Variants in FARP1 observed in about 807,000 individuals in gnomAD.
FARP1 encodes the protein FERM, ARH/RhoGEF and pleckstrin domain protein 1, also known as FERM, ARHGEF and pleckstrin domain-containing protein 1.
In FARP1, 52 loss-of-function variants were observed where a neutral mutation model predicts 128.8. That is an observed-to-expected ratio of 0.40 (90% CI 0.32 to 0.51). The LOEUF (loss-of-function observed/expected upper bound fraction) is 0.51. Ranked by LOEUF, FARP1 falls within the 20% of genes least tolerant of loss-of-function variation. The pLI is 0.45. For synonymous variants in FARP1, 580 were observed against 551.8 expected (o/e 1.05, Z -0.72); for missense variants, 1,333 against 1,367.9 (o/e 0.97, Z 0.40).
At chr13:98,194,086 T>A (rs1879413211) in intron 1 of FARP1, among the ~76,000 whole-genome samples, 1 of 152,024 alleles carries the variant, frequency 6.6e-6, no homozygotes, top group African/African-American at 2.4e-5. Context: ...TTATTTTTAT[T>A]ATACACCATT....
chr13:98,274,859 A>C (rs1386526443), intron 2 of FARP1, among the ~76,000 whole-genome samples: 1 of 152,254 alleles, frequency 6.6e-6, no homozygotes, highest in Non-Finnish European at 1.5e-5. Flanking sequence ...TTAGGGTTTT[A>C]TCTGGACATC....
At chr13:98,200,119 A>G (rs1270720490) in intron 1 of FARP1, among the ~76,000 whole-genome samples, 4 of 152,236 alleles carry the variant, frequency 2.6e-5, no homozygotes, top group South Asian at 4.1e-4. Flanking sequence ...TGGAGTAGAA[A>G]TTAAAAATTG....
chr13:98,341,574 G>A (rs1368432660), intron 2 of FARP1, among the ~76,000 whole-genome samples: 2 of 152,232 alleles, frequency 1.3e-5, no homozygotes, highest in African/African-American at 4.8e-5. Flanking sequence ...GGAGGTTGCA[G>A]TGAGCCAAGA....
intron 2 of FARP1, among the ~76,000 whole-genome samples, chr13:98,242,256 G>A (rs367728633): frequency 2.6e-5 from 4 of 152,270 alleles, no homozygotes; most frequent in South Asian, 2.1e-4. Context: ...CGTAGGGACC[G>A]TTAGTGTTTA....
intron 2 of FARP1, among the ~76,000 whole-genome samples, chr13:98,278,191 A>G (rs58355109): frequency 9.8e-5 from 13 of 132,938 alleles, no homozygotes; most frequent in African/African-American, 3.1e-4. Context: ...GTGTGTGTGT[A>G]TGTTCTGTGT....
intron 1 of FARP1, among the ~76,000 whole-genome samples, chr13:98,170,275 C>G (rs1044019191): frequency 6.6e-6 from 1 of 151,962 alleles, no homozygotes; most frequent in African/African-American, 2.4e-5. Context: ...CCTCTGCCTC[C>G]CGTGTTCAAG....
intron 1 of FARP1, among the ~76,000 whole-genome samples, chr13:98,210,677 G>A (rs1423194083): frequency 6.6e-6 from 1 of 151,884 alleles, no homozygotes; most frequent in Non-Finnish European, 1.5e-5. Flanking sequence ...AGCCTCCCGA[G>A]TAGCTGGGAC....
intron 2 of FARP1, among the ~76,000 whole-genome samples, chr13:98,252,086 G>A (rs1883362178): frequency 6.6e-6 from 1 of 152,162 alleles, no homozygotes; most frequent in Non-Finnish European, 1.5e-5. Flanking sequence ...GACTTCAAGT[G>A]ATCTGCCCTC....
intron 2 of FARP1, among the ~76,000 whole-genome samples, chr13:98,330,570 C>T (rs745311987): frequency 6.6e-6 from 1 of 152,024 alleles, no homozygotes; most frequent in Non-Finnish European, 1.5e-5. Flanking sequence ...GCCTGACCAA[C>T]ATGGTGAAAC....
rs1006089540 is a variant in FARP1 at position 98,455,165 on chromosome 13, C to G, written c.*6848C>G. 1.3e-5 allele frequency: 2 copies of G among 152,184 alleles called. No homozygotes were observed. The highest frequency in any genetic ancestry group is 4.8e-5 in the African/African-American group (2 of 41,424). The allele number at this position is 152,184 out of a possible 1,614,324, so 9.4% of individuals were successfully genotyped here. Reference sequence around the variant, plus strand: ...TGTTGAAATAATACTTTGGATCTGGCAGGTTAAAAAATGTATTGTTGAAAC... The same window carrying G: ...TGTTGAAATAATACTTTGGATCTGGGAGGTTAAAAAATGTATTGTTGAAAC... On this transcript the variant is annotated 3_prime_UTR_variant, in exon 27 of 27. Transcript: ENST00000319562.
chr13:98,326,859 C>A (rs777918402), intron 2 of FARP1, among the ~76,000 whole-genome samples: 1 of 151,928 alleles, frequency 6.6e-6, no homozygotes, highest in Non-Finnish European at 1.5e-5. Context: ...CTGAACTCAT[C>A]TTCTTTTAGG....
intron 19 of FARP1, among the ~76,000 whole-genome samples, chr13:98,436,670 C>G (rs1303886667): frequency 1.3e-5 from 2 of 152,150 alleles, no homozygotes; most frequent in Admixed American, 1.3e-4. Context: ...GACCAGAAGC[C>G]ACGTTGTGAG....
chr13:98,438,235 C>T (rs1231998238), intron 19 of FARP1, among the ~76,000 whole-genome samples: 3 of 152,178 alleles, frequency 2.0e-5, no homozygotes, highest in Non-Finnish European at 2.9e-5. Context: ...TTATCCTCAA[C>T]GCAGTTACTG....
At chr13:98,345,419 G>A (rs756752996) in intron 3 of FARP1, 9 of 152,306 alleles carry the variant, frequency 5.9e-5, no homozygotes, top group African/African-American at 1.9e-4. Context: ...CAAGTTCAGC[G>A]TCTCTTCTGT....
intron 24 of FARP1, chr13:98,445,317 G>A (rs1892755189): frequency 6.6e-6 from 1 of 152,298 alleles, no homozygotes; most frequent in African/African-American, 2.4e-5. Context: ...AGTCTCTGCT[G>A]GTGATGTCAC....
intron 1 of FARP1, among the ~76,000 whole-genome samples, chr13:98,186,176 G>A (rs538077331): frequency 3.3e-5 from 5 of 151,156 alleles, no homozygotes; most frequent in African/African-American, 1.2e-4. Flanking sequence ...GCACGATCTT[G>A]GCTCACCGCA....
intron 2 of FARP1, among the ~76,000 whole-genome samples, chr13:98,334,982 G>A (rs990138989): frequency 3.3e-5 from 5 of 152,158 alleles, no homozygotes; most frequent in Non-Finnish European, 5.9e-5. Flanking sequence ...AAGTCATCAC[G>A]TTTCCATCTG....
intron 23 of FARP1, 63 bp downstream of exon 23, chr13:98,440,298 G>T: frequency 1.7e-6 from 2 of 1,201,920 alleles, no homozygotes; most frequent in Non-Finnish European, 1.2e-6. Flanking sequence ...CAGCATTTCT[G>T]CATCTAAAGC....
At chr13:98,431,313 C>A in intron 18 of FARP1, 33 bp downstream of exon 18, 2 of 1,478,958 alleles carry the variant, frequency 1.4e-6, no homozygotes, top group Non-Finnish European at 1.8e-6. Context: ...ACCTGGTGCC[C>A]ATGCCACAGT....
Sources: allele counts gnomAD v4.1 joint callset (sites outside exome capture counted in the v4.1 genomes callset), GRCh38; gene constraint gnomAD v4.1.1; transcripts MANE v1.5; gene names NCBI Gene and HGNC (gene_info 2026-07-23, HGNC 2026-07-21).